The following TMEM232 variants were observed in gnomAD, a reference collection of about 807,000 sequenced individuals.
TMEM232 encodes the protein transmembrane protein 232.
In TMEM232, 80 loss-of-function variants were observed where a neutral mutation model predicts 78.8. The observed-to-expected ratio is 1.01, with a 90% CI of 0.85 to 1.22. TMEM232 has a LOEUF of 1.22. Among genes scored for constraint, TMEM232 ranks in the 50% most tolerant of loss-of-function variants. TMEM232 has a pLI of 0.00. For synonymous variants in TMEM232, 297 were observed against 254.3 expected, an observed-to-expected ratio of 1.17 and a Z score of -1.60; for missense variants, 881 against 742.2, an observed-to-expected ratio of 1.19 and a Z score of -2.17.
intron 11 of TMEM232, among the ~76,000 whole-genome samples, chr5:110,539,130 C>T (rs777039990): frequency 2.2e-4 from 34 of 152,168 alleles, no homozygotes; most frequent in Non-Finnish European, 4.4e-4. Context: ...AACAGGCTAA[C>T]CCACTGGCAT....
chr5:110,503,624 C>T (rs1766520362), intron 12 of TMEM232, among the ~76,000 whole-genome samples: 1 of 152,072 alleles, frequency 6.6e-6, no homozygotes, highest in South Asian at 2.1e-4. Flanking sequence ...CCAGATGCTG[C>T]AGCGATGTGC....
At position 110,566,858 on chromosome 5, in the gene TMEM232, T is replaced by C. The variant is rs183475771; in HGVS notation, c.1455+1589A>G. The stretch of plus-strand genomic sequence containing the variant: ...TTTACTGTATCAGTCCATTTTCGTA[T>C]TGCTACAAAGAAATACCCAAGACTG... On this transcript the variant is annotated intron_variant, in intron 11 of 13. Coordinates refer to ENST00000455884, the MANE Select transcript of TMEM232 (RefSeq NM_001039763.4). 1.1e-4 allele frequency among the ~76,000 whole-genome samples: 16 copies of C among 151,962 alleles called. No homozygotes were observed. In the East Asian group the frequency reaches 2.9e-3, roughly 28 times the overall value.
intron 11 of TMEM232, among the ~76,000 whole-genome samples, chr5:110,556,359 C>T (rs1006587381): frequency 1.5e-5 from 2 of 136,276 alleles, no homozygotes; most frequent in Non-Finnish European, 3.1e-5. Flanking sequence ...CCTTCCCTTC[C>T]CCTTCCTTCC....
chr5:110,638,154 T>C, intron 5 of TMEM232, 44 bp downstream of exon 5: 2 of 1,403,250 alleles, frequency 1.4e-6, no homozygotes, highest in Non-Finnish European at 1.9e-6. Context: ...TTACATGTAG[T>C]ATGTGAAATA....
intron 1 of TMEM232, among the ~76,000 whole-genome samples, chr5:110,691,118 C>A (rs946954590): frequency 1.2e-4 from 16 of 128,698 alleles, no homozygotes; most frequent in South Asian, 2.5e-4. Context: ...ATGTTCTGCA[C>A]ATGTATCCCA....
intron 12 of TMEM232, among the ~76,000 whole-genome samples, chr5:110,523,207 T>G (rs1394853668): frequency 1.3e-5 from 2 of 152,200 alleles, no homozygotes; most frequent in Non-Finnish European, 2.9e-5. Context: ...TGTTCATAGG[T>G]GTCTCTTATG....
chr5:110,616,670 G>A (rs1346421468), intron 8 of TMEM232, among the ~76,000 whole-genome samples: 2 of 152,016 alleles, frequency 1.3e-5, no homozygotes, highest in Non-Finnish European at 2.9e-5. Flanking sequence ...CTCAAAAGAA[G>A]ACATACTAAT....
chr5:110,485,883 G>A (rs1028749119), intron 12 of TMEM232, among the ~76,000 whole-genome samples: 19 of 152,044 alleles, frequency 1.2e-4, no homozygotes, highest in Non-Finnish European at 7.4e-5. Context: ...GTTCTTTAAG[G>A]AATCTCCACA....
chr5:110,438,361 C>G (rs1431809370), intron 12 of TMEM232, among the ~76,000 whole-genome samples: 4 of 151,600 alleles, frequency 2.6e-5, no homozygotes, highest in African/African-American at 4.8e-5. Flanking sequence ...GCTTTAAGGC[C>G]TAACTTGGCT....
At chr5:110,567,958 G>T (rs929056801) in intron 11 of TMEM232, among the ~76,000 whole-genome samples, 1 of 151,960 alleles carries the variant, frequency 6.6e-6, no homozygotes, top group Non-Finnish European at 1.5e-5. Flanking sequence ...TTGCTATGAG[G>T]TAGTGAAAGT....
At chr5:110,527,766 A>G (rs1220586266) in intron 12 of TMEM232, among the ~76,000 whole-genome samples, 1 of 152,026 alleles carries the variant, frequency 6.6e-6, no homozygotes, top group Non-Finnish European at 1.5e-5. Context: ...CATATCAAAA[A>G]ATGAATTATT....
chr5:110,653,670 G>A (rs1353041020), intron 2 of TMEM232, among the ~76,000 whole-genome samples: 1 of 150,450 alleles, frequency 6.6e-6, no homozygotes, highest in Non-Finnish European at 1.5e-5. Context: ...AAGAAATCAT[G>A]ATGTCAAGCA....
At chr5:110,596,714 G>A (rs939205970) in intron 10 of TMEM232, among the ~76,000 whole-genome samples, 5 of 152,068 alleles carry the variant, frequency 3.3e-5, no homozygotes, top group African/African-American at 4.8e-5. Context: ...TTCAATATAC[G>A]CTAATCAATA....
chr5:110,706,931 C>G (rs1408072797), intron 1 of TMEM232, among the ~76,000 whole-genome samples: 3 of 152,110 alleles, frequency 2.0e-5, no homozygotes, highest in Non-Finnish European at 4.4e-5. Flanking sequence ...CCAATTTGAT[C>G]CCCTAAATGC....
chr5:110,391,324 T>A (rs201707624), intron 3 of TMEM232, among the ~76,000 whole-genome samples: 3,205 of 131,908 alleles, frequency 0.024, 108 homozygotes, highest in African/African-American at 0.1. Flanking sequence ...TGTGTGTGTG[T>A]GTGAGAGAGA....
At chr5:110,463,223 C>A (rs1761725760) in intron 12 of TMEM232, among the ~76,000 whole-genome samples, 1 of 152,182 alleles carries the variant, frequency 6.6e-6, no homozygotes, top group Non-Finnish European at 1.5e-5. Context: ...CAGCAGCCAT[C>A]AACATCAAGG....
At chr5:110,420,808 A>G in intron 13 of TMEM232, 52 bp from the exon 14 acceptor site, 1 of 1,481,602 alleles carries the variant, frequency 6.7e-7, no homozygotes, top group Non-Finnish European at 8.8e-7. Flanking sequence ...AAAAATGCAT[A>G]TCAGTTTAGC....
At chr5:110,599,017 TA>T (rs1252104456) in intron 10 of TMEM232, among the ~76,000 whole-genome samples, 4 of 150,662 alleles carry the variant, frequency 2.7e-5, no homozygotes, top group South Asian at 4.2e-4. Context: ...ATAATAATAA[TA>T]AAAAAAAGAA....
intron 10 of TMEM232, among the ~76,000 whole-genome samples, chr5:110,576,400 G>C (rs1777576755): frequency 6.6e-6 from 1 of 151,974 alleles, no homozygotes; most frequent in Admixed American, 6.6e-5. Context: ...CAAACAAATG[G>C]AAAAACATTC....
Sources: allele counts gnomAD v4.1 joint callset (sites outside exome capture counted in the v4.1 genomes callset), GRCh38; gene constraint gnomAD v4.1.1; transcripts MANE v1.5; gene names NCBI Gene and HGNC (gene_info 2026-07-23, HGNC 2026-07-21).